Variants in CACNA1B observed in about 807,000 individuals in gnomAD.
CACNA1B encodes the protein voltage-dependent N-type calcium channel subunit alpha-1B.
A neutral mutation model predicts 247.2 loss-of-function variants in CACNA1B; 70 were observed. The ratio of observed to expected loss-of-function variants is 0.28; its 90% CI spans 0.23 to 0.35. The LOEUF (loss-of-function observed/expected upper bound fraction) is 0.35, where lower values mean the gene tolerates loss of function less well. CACNA1B is among the 10% of genes least tolerant of loss of function. CACNA1B has a pLI of 1.00. For missense variants in CACNA1B, 2,367 were observed against 3,197.4 expected (o/e 0.74, Z 6.26); for synonymous variants, 1,231 against 1,294.4 (o/e 0.95, Z 1.05).
intron 40 of CACNA1B, among the ~76,000 whole-genome samples, chr9:138,113,000 G>A (rs544535607): frequency 6.1e-4 from 91 of 149,856 alleles, no homozygotes; most frequent in Non-Finnish European, 7.4e-4. Context: ...CGTGGGAGAC[G>A]TGAGGGAGCG....
intron 6 of CACNA1B, among the ~76,000 whole-genome samples, chr9:137,935,128 G>T (rs141424660): frequency 0.027 from 4,088 of 152,294 alleles, 77 homozygotes; most frequent in South Asian, 0.072. Context: ...TATACTTTAA[G>T]TTCTAGGGTA....
rs902292384 is a variant in CACNA1B at position 137,903,166 on chromosome 9, G to A, written c.531-10014G>A. Among the ~76,000 whole-genome samples, 91 of 152,098 alleles carry A rather than the reference G, an allele frequency of 6.0e-4. 1 individual carries two copies. Among genetic ancestry groups the A allele is most frequent in the African/African-American group, 1.9e-3 (77 of 41,496 alleles). On this transcript the variant is annotated intron_variant, in intron 3 of 46. Transcript: ENST00000371372. ...TGGGAGGCTGAGGCGGGCGGATCACGGGGTCAAGAGATCGAGACCATTATG... is the reference window on the plus strand; with the variant it reads ...TGGGAGGCTGAGGCGGGCGGATCACAGGGTCAAGAGATCGAGACCATTATG...
chr9:138,059,712 C>T lies in CACNA1B; in HGVS notation c.4643C>T (p.Thr1548Ile). ...FDFVTVLGSI[T>I]DILVTEIAET... ...TTTGTCACTGTGTTGGGAAGTATTA[C>T]TGATATTTTAGTAACAGAGATTGCG... The change falls in exon 31 of 47, where the codon ACT becomes ATT. Residue 1548 changes from threonine (T) to isoleucine (I), a missense_variant. By Grantham distance (89) the Thr-to-Ile change is moderately conservative. Transcript: ENST00000371372. This position sits in a 1 kb window ranked among gnomAD's most constrained non-coding sequence, Gnocchi z 4.2. 6.2e-7 allele frequency: 1 copy of T among 1,604,658 alleles called. No homozygotes were observed. Among genetic ancestry groups the T allele is most frequent in the East Asian group, 2.2e-5 (1 of 44,848 alleles).
Position 138,009,879 on chromosome 9 carries a change from G to A in CACNA1B, c.2093-131G>A, listed in dbSNP as rs948560071. The A allele has an allele frequency of 1.9e-5, 13 of 685,202 alleles. No individual in the cohort carries two copies. The African/African-American group carries it at 2.3e-4, about 12-fold the overall frequency. The allele number at this position is 685,202 out of a possible 1,614,324, so 42.4% of individuals were successfully genotyped here. On this transcript the variant is annotated intron_variant, in intron 16 of 46. Transcript: ENST00000371372. ...GGGCTGGAGTGTGTCTGGGGATGGG[G>A]CCTTGGGGAGCTGGTAGGTGCCAAG...
intron 40 of CACNA1B, among the ~76,000 whole-genome samples, chr9:138,112,862 GTGA>G (rs1589135235): frequency 4.2e-5 from 6 of 142,022 alleles, no homozygotes; most frequent in African/African-American, 1.3e-4. Flanking sequence ...ACTCCATCTT[GTGA>G]GAGACGTGAG....
At chr9:137,956,398 C>T (rs1048765749) in intron 8 of CACNA1B, among the ~76,000 whole-genome samples, 3 of 152,228 alleles carry the variant, frequency 2.0e-5, no homozygotes, top group African/African-American at 7.2e-5. Context: ...TGGCTCACGC[C>T]TACAGTCCCA....
intron 31 of CACNA1B, among the ~76,000 whole-genome samples, chr9:138,061,781 G>T (rs1959733687): frequency 6.6e-6 from 1 of 152,244 alleles, no homozygotes; most frequent in Admixed American, 6.5e-5. Context: ...CCAGGAGAGG[G>T]TGTTCTGATA....
rs527656321 is a variant in CACNA1B, at chr9:137,964,020, C to T, written c.1333+6333C>T. The stretch of plus-strand genomic sequence containing the variant: ...TTTAAGAATGTTGAATATTGGCCCC[C>T]AATCTCTTCTAGCTTGTAGGGTTTC... On this transcript the variant is annotated intron_variant, in intron 10 of 46. Coordinates refer to ENST00000371372, the MANE Select transcript of CACNA1B (RefSeq NM_000718.4). Among the ~76,000 whole-genome samples the T allele has an allele frequency of 9.8e-5, 15 of 152,330 alleles. No homozygotes were observed. The South Asian group carries it at 3.1e-3, about 32-fold the overall frequency.
At chr9:138,023,850 T>A in intron 19 of CACNA1B, 39 bp downstream of exon 19, 4 of 1,027,664 alleles carry the variant, frequency 3.9e-6, no homozygotes, top group Non-Finnish European at 5.9e-6. Context: ...AGGGAAGGGT[T>A]GGCCGGGGCG....
chr9:138,086,844 C>T (rs1037770886), intron 36 of CACNA1B, among the ~76,000 whole-genome samples: 3 of 151,282 alleles, frequency 2.0e-5, no homozygotes, highest in African/African-American at 7.3e-5. Context: ...AACTTTTCAT[C>T]CAACCATTGC....
chr9:137,938,660 A>G (rs183615820), intron 6 of CACNA1B, among the ~76,000 whole-genome samples: 74 of 152,348 alleles, frequency 4.9e-4, no homozygotes, highest in Admixed American at 3.1e-3. Context: ...AAAGACAAAG[A>G]GGGACATTAT....
At chr9:137,937,067 T>C (rs967010503) in intron 6 of CACNA1B, among the ~76,000 whole-genome samples, 3 of 152,230 alleles carry the variant, frequency 2.0e-5, no homozygotes, top group African/African-American at 7.2e-5. Context: ...TAAATTACCT[T>C]GGGCAGTATG....
chr9:138,118,937 TG>T (rs949004734), intron 44 of CACNA1B, among the ~76,000 whole-genome samples, 169 bp downstream of exon 44: 11 of 152,194 alleles, frequency 7.2e-5, no homozygotes, highest in African/African-American at 2.2e-4. Flanking sequence ...CAGTCCTGTC[TG>T]GGCGCCGACA....
intron 3 of CACNA1B, among the ~76,000 whole-genome samples, chr9:137,898,704 T>G (rs1957199077): frequency 1.3e-5 from 2 of 150,046 alleles, no homozygotes; most frequent in Non-Finnish European, 3.0e-5. Context: ...TTTTTTGAGA[T>G]GGAGTCTCCC....
At position 138,000,345 on chromosome 9, in the gene CACNA1B, G is replaced by T. The variant is rs377007703; in HGVS notation, c.1975-6422G>T. On this transcript the variant is annotated intron_variant, in intron 15 of 46. Coordinates refer to ENST00000371372, the MANE Select transcript of CACNA1B (RefSeq NM_000718.4). ...GATCTCCTGACCTCGTGATCAGCCC[G>T]CCTTGGCCTCCCAAAGTGCTGGGAT... Among the ~76,000 whole-genome samples the T allele has an allele frequency of 7.2e-5, 11 of 151,928 alleles. No homozygotes were observed. The East Asian group carries it at 7.8e-4, about 11-fold the overall frequency.
intron 25 of CACNA1B, 137 bp from the exon 26 acceptor site, chr9:138,053,709 G>T: frequency 2.5e-6 from 1 of 402,824 alleles, no homozygotes; most frequent in Non-Finnish European, 4.8e-6. Flanking sequence ...ATTCCCTTAC[G>T]GCCATGCCCT....
intron 20 of CACNA1B, among the ~76,000 whole-genome samples, chr9:138,034,844 A>G (rs1959024729): frequency 6.6e-6 from 1 of 152,066 alleles, no homozygotes; most frequent in African/African-American, 2.4e-5. Context: ...TCTGAGGTCC[A>G]CTGTGGTCTG....
intron 41 of CACNA1B, among the ~76,000 whole-genome samples, chr9:138,114,755 G>T (rs906511793): frequency 6.6e-6 from 1 of 152,172 alleles, no homozygotes; most frequent in Non-Finnish European, 1.5e-5. Flanking sequence ...GCTGGGCTGG[G>T]CAGTGTCATG....
At chr9:138,006,117 A>G (rs1564233961) in intron 15 of CACNA1B, among the ~76,000 whole-genome samples, 1 of 151,772 alleles carries the variant, frequency 6.6e-6, no homozygotes. Flanking sequence ...AAAGACTTGG[A>G]TCTGTGTCAG....
Sources: allele counts gnomAD v4.1 joint callset (sites outside exome capture counted in the v4.1 genomes callset), GRCh38; gene constraint gnomAD v4.1.1; non-coding constraint Gnocchi (gnomAD v3.1); transcripts MANE v1.5; gene names NCBI Gene and HGNC (gene_info 2026-07-23, HGNC 2026-07-21).